The following SV2C variants were observed in gnomAD, a reference collection of about 807,000 sequenced individuals.
SV2C encodes synaptic vesicle glycoprotein 2C, also known as solute carrier family 22 member B3.
A neutral mutation model predicts 79.7 loss-of-function variants in SV2C; 49 were observed. That is an observed-to-expected ratio of 0.61 (90% confidence interval 0.49 to 0.78). SV2C has a LOEUF of 0.78. Ranked by LOEUF, SV2C falls within the 30% of genes least tolerant of loss-of-function variation. The pLI, the probability that SV2C is intolerant of heterozygous loss-of-function variation, is 0.00. For synonymous variants in SV2C, 334 were observed against 333.2 expected, an observed-to-expected ratio of 1.00 and a Z score of -0.03; for missense variants, 833 against 912.9, an observed-to-expected ratio of 0.91 and a Z score of 1.13.
At chr5:76,174,196 T>G (rs1298923104) in intron 2 of SV2C, 1 of 1,611,868 alleles carries the variant, frequency 6.2e-7, no homozygotes, top group Non-Finnish European at 8.5e-7. Flanking sequence ...TGCAAGCTTG[T>G]CAAAACCTAG....
At chr5:76,235,431 C>T (rs1437595966) in intron 4 of SV2C, among the ~76,000 whole-genome samples, 2 of 152,116 alleles carry the variant, frequency 1.3e-5, no homozygotes, top group Non-Finnish European at 2.9e-5. Flanking sequence ...TGAAAGAAAA[C>T]ATGTCTGAAG....
At chr5:76,089,929 T>G (rs1028049120) in intron 1 of SV2C, among the ~76,000 whole-genome samples, 3 of 152,252 alleles carry the variant, frequency 2.0e-5, no homozygotes, top group Non-Finnish European at 4.4e-5. Flanking sequence ...CCTAGCATGT[T>G]ACTTCATAGG....
At chr5:75,998,120 T>G in the SV2C span, among the ~76,000 whole-genome samples, 1 of 151,884 alleles carries the variant, frequency 6.6e-6, no homozygotes, top group Admixed American at 6.6e-5. Context: ...ATGTTCTCAC[T>G]CATAGGTGAG....
upstream of SV2C, chr5:76,079,476 T>C (rs189920664): frequency 5.7e-4 from 163 of 283,846 alleles, 1 homozygote; most frequent in Middle Eastern, 7.9e-3. Flanking sequence ...GGGAGAGAAT[T>C]GGATTGTGTG....
intron 2 of SV2C, among the ~76,000 whole-genome samples, chr5:76,142,033 C>T (rs1447534731): frequency 6.6e-6 from 1 of 151,932 alleles, no homozygotes; most frequent in African/African-American, 2.4e-5. Flanking sequence ...AGAGCAAGGG[C>T]CTTTAAATGG....
At chr5:76,215,952 A>G (rs1178058464) in intron 4 of SV2C, among the ~76,000 whole-genome samples, 3 of 151,222 alleles carry the variant, frequency 2.0e-5, no homozygotes, top group Non-Finnish European at 4.4e-5. Context: ...TGATGCTGTG[A>G]GACTGGAATT....
chr5:75,994,897 C>T, the SV2C span, among the ~76,000 whole-genome samples: 1 of 152,110 alleles, frequency 6.6e-6, no homozygotes, highest in Non-Finnish European at 1.5e-5. Flanking sequence ...GGTGTAAATT[C>T]CAGTCCAAGG....
chr5:76,200,152 G>A (rs1433837390), intron 3 of SV2C, among the ~76,000 whole-genome samples: 1 of 152,332 alleles, frequency 6.6e-6, no homozygotes, highest in African/African-American at 2.4e-5. Context: ...TTTAGCTCAG[G>A]TCTGTTTCAC....
chr5:76,097,175 T>C (rs924850660), intron 1 of SV2C, among the ~76,000 whole-genome samples: 3 of 152,174 alleles, frequency 2.0e-5, no homozygotes, highest in African/African-American at 7.2e-5. Context: ...AGTTTTCCAG[T>C]GTCCCAGCAG....
At position 76,178,769 on chromosome 5, in the gene SV2C, C is replaced by T. The variant is rs182883324; in HGVS notation, c.581-16150C>T. On this transcript the variant is annotated intron_variant, in intron 2 of 12. Transcript: ENST00000502798. ...TGTCTCATGGAGCCTGCCTTTTTGG[C>T]AGATTGGATTTGGGAATTATTCTTC... Among the ~76,000 whole-genome samples, 197 of 152,240 alleles carry T rather than the reference C, an allele frequency of 1.3e-3. 2 individuals are homozygous for T. The highest frequency in any genetic ancestry group is 2.1e-3 in the Admixed American group (32 of 15,292).
downstream of SV2C, among the ~76,000 whole-genome samples, chr5:76,334,781 C>T (rs1284353120): frequency 6.6e-6 from 1 of 152,164 alleles, no homozygotes; most frequent in Non-Finnish European, 1.5e-5. Context: ...AAACCAATCA[C>T]GAGCAAGAGG....
At chr5:76,315,335 T>A (rs948826894) in intron 12 of SV2C, among the ~76,000 whole-genome samples, 1 of 151,942 alleles carries the variant, frequency 6.6e-6, no homozygotes. Flanking sequence ...AAAAAAAAAA[T>A]ATGATAGTCT....
the SV2C span, among the ~76,000 whole-genome samples, chr5:75,989,997 A>G: frequency 3.2e-3 from 461 of 143,496 alleles, 3 homozygotes; most frequent in African/African-American, 0.011. Flanking sequence ...TTTTTTTGGT[A>G]AGTTTGTTTA....
intron 6 of SV2C, among the ~76,000 whole-genome samples, chr5:76,289,957 T>A (rs1422491435): frequency 6.6e-6 from 1 of 152,204 alleles, no homozygotes; most frequent in African/African-American, 2.4e-5. Flanking sequence ...TGGAGCCACA[T>A]GGCTGCCTAT....
At chr5:76,309,382 C>T (rs1015714905) in intron 12 of SV2C, among the ~76,000 whole-genome samples, 2 of 151,882 alleles carry the variant, frequency 1.3e-5, no homozygotes, top group South Asian at 2.1e-4. Flanking sequence ...AGGCGGATTA[C>T]GAGGTCAGGA....
the SV2C span, among the ~76,000 whole-genome samples, chr5:75,936,005 G>A: frequency 1.3e-5 from 2 of 152,148 alleles, no homozygotes; most frequent in Non-Finnish European, 2.9e-5. Flanking sequence ...GCTTCATGTA[G>A]CATCAAGTTA....
chr5:75,904,180 C>CT, the SV2C span, among the ~76,000 whole-genome samples: 1 of 151,900 alleles, frequency 6.6e-6, no homozygotes, highest in Non-Finnish European at 1.5e-5. Context: ...GAGAGATAAA[C>CT]TTTTTTTTCC....
intron 2 of SV2C, among the ~76,000 whole-genome samples, chr5:76,168,725 C>T (rs146422133): frequency 9.8e-5 from 15 of 152,304 alleles, no homozygotes; most frequent in South Asian, 2.1e-4. Flanking sequence ...AAGATTTTCT[C>T]GTAAAATATA....
the SV2C span, among the ~76,000 whole-genome samples, chr5:75,993,935 CAAAG>C: frequency 6.6e-6 from 1 of 152,086 alleles, no homozygotes; most frequent in East Asian, 1.9e-4. Flanking sequence ...ATGGAAAGCA[CAAAG>C]AATTTTTCAA....
Sources: gnomAD v4.1 joint callset for allele counts (sites outside exome capture counted in the v4.1 genomes callset) on GRCh38, gnomAD v4.1.1 for gene constraint, MANE v1.5 for transcripts, NCBI Gene and HGNC (gene_info 2026-07-23, HGNC 2026-07-21) for gene names.